UBE2H: variants seen among roughly 807,000 people sequenced by gnomAD.
UBE2H encodes ubiquitin conjugating enzyme E2 H.
A neutral mutation model predicts 29.0 loss-of-function variants in UBE2H; 3 were observed. That is an observed-to-expected ratio of 0.10 (90% confidence interval 0.05 to 0.27). The LOEUF is 0.27. UBE2H is among the 10% of genes least tolerant of loss of function. UBE2H has a pLI of 1.00. For synonymous variants in UBE2H, 69 were observed against 82.9 expected (o/e 0.83, Z 0.91); for missense variants, 68 against 228.2 (o/e 0.30, Z 4.52).
At chr7:129,946,034 C>T (rs539955114) in intron 1 of UBE2H, among the ~76,000 whole-genome samples, 1 of 150,600 alleles carries the variant, frequency 6.6e-6, no homozygotes, top group Non-Finnish European at 1.5e-5. Flanking sequence ...GCATGAGCCA[C>T]TGTGCCCAGC....
chr7:129,880,134 C>A (rs1162498469), intron 2 of UBE2H, among the ~76,000 whole-genome samples: 1 of 152,056 alleles, frequency 6.6e-6, no homozygotes, highest in African/African-American at 2.4e-5. Flanking sequence ...TGGATTCAAC[C>A]AACCACAGAT....
chr7:129,882,706 A>AC (rs1173796998), intron 1 of UBE2H, among the ~76,000 whole-genome samples: 2 of 152,190 alleles, frequency 1.3e-5, no homozygotes, highest in African/African-American at 4.8e-5. Flanking sequence ...ATGCATGCCT[A>AC]CTCTGACCAG....
intron 6 of UBE2H, among the ~76,000 whole-genome samples, chr7:129,838,691 GTA>G (rs1287771704): frequency 3.9e-5 from 6 of 152,108 alleles, no homozygotes; most frequent in African/African-American, 1.4e-4. Context: ...CCAGGCTGGA[GTA>G]CAATGGCACA....
Position 129,944,769 on chromosome 7 carries a change from TGCGCAA to T in UBE2H, c.53+7728_53+7733del, listed in dbSNP as rs563901524. Among the ~76,000 whole-genome samples the T allele has an allele frequency of 2.0e-3, 264 of 134,808 alleles. 5 individuals are homozygous for T. In the South Asian group the frequency reaches 0.02, roughly 10 times the overall value. 88.4% of individuals were successfully genotyped at this position (134,808 alleles called of 152,430 possible). A position where few individuals can be genotyped will look rare whatever the true frequency, so the allele number is the denominator to read the frequency against. ...ACACACACGCACGCACGCACGCGCA[TGCGCAA>T]ACCCTACCACATGATCTAGCTTAGC... On this transcript the variant is annotated intron_variant, in intron 1 of 6. Transcript: ENST00000355621.
chr7:129,889,668 C>A (rs1806434072), intron 1 of UBE2H, among the ~76,000 whole-genome samples: 1 of 152,028 alleles, frequency 6.6e-6, no homozygotes, highest in Non-Finnish European at 1.5e-5. Flanking sequence ...CAGAAGAGTA[C>A]CCAGCAAACA....
At chr7:129,865,002 C>A in intron 3 of UBE2H, 1 of 411,226 alleles carries the variant, frequency 2.4e-6, no homozygotes, top group Non-Finnish European at 4.8e-6. Flanking sequence ...AAATGTCCAG[C>A]TAAAATGCTT....
At chr7:129,891,907 T>G (rs1277123244) in intron 1 of UBE2H, among the ~76,000 whole-genome samples, 1 of 150,096 alleles carries the variant, frequency 6.7e-6, no homozygotes, top group Non-Finnish European at 1.5e-5. Context: ...GTGTGTTAGT[T>G]TTTTTCCTAC....
At chr7:129,865,436 T>C (rs1485656994) in intron 3 of UBE2H, among the ~76,000 whole-genome samples, 3 of 152,180 alleles carry the variant, frequency 2.0e-5, no homozygotes, top group Non-Finnish European at 2.9e-5. Context: ...ATATTAATGA[T>C]CAAATTTGTG....
intron 1 of UBE2H, among the ~76,000 whole-genome samples, chr7:129,881,277 CA>C (rs928460521): frequency 3.0e-4 from 45 of 152,132 alleles, no homozygotes; most frequent in African/African-American, 1.0e-3. Flanking sequence ...ATTGGGAAAA[CA>C]GCATTTCATA....
chr7:129,892,652 CTTA>C (rs1230578478), intron 1 of UBE2H, among the ~76,000 whole-genome samples: 3 of 152,108 alleles, frequency 2.0e-5, no homozygotes, highest in African/African-American at 7.2e-5. Flanking sequence ...AAGGAATATA[CTTA>C]TTTTTTGCTG....
At chr7:129,835,260 G>GC (rs1805301032) in intron 6 of UBE2H, among the ~76,000 whole-genome samples, 199 bp from the exon 7 acceptor site, 1 of 152,154 alleles carries the variant, frequency 6.6e-6, no homozygotes, top group African/African-American at 2.4e-5. Flanking sequence ...TCTGCATTTT[G>GC]CCCCCTGAGG....
intron 1 of UBE2H, among the ~76,000 whole-genome samples, chr7:129,906,679 T>C (rs758274498): frequency 7.9e-5 from 12 of 152,138 alleles, no homozygotes; most frequent in Non-Finnish European, 1.2e-4. Flanking sequence ...AATTTGCTTA[T>C]AGTAAAGTTA....
intron 1 of UBE2H, among the ~76,000 whole-genome samples, chr7:129,906,319 C>T (rs1244992788): frequency 1.3e-5 from 2 of 151,946 alleles, no homozygotes; most frequent in African/African-American, 2.4e-5. Context: ...ATTCTTGTGC[C>T]TCAGCCTCCT....
chr7:129,932,926 G>C (rs2116498346), intron 1 of UBE2H, among the ~76,000 whole-genome samples: 1 of 152,134 alleles, frequency 6.6e-6, no homozygotes, highest in African/African-American at 2.4e-5. Context: ...GGATCCCTAG[G>C]GGGCTCCAGA....
intron 5 of UBE2H, among the ~76,000 whole-genome samples, chr7:129,850,466 A>G (rs1043970368): frequency 2.0e-5 from 3 of 152,242 alleles, no homozygotes; most frequent in African/African-American, 7.2e-5. Flanking sequence ...TTGGTTTTTA[A>G]GTATTCAAAG....
intron 5 of UBE2H, among the ~76,000 whole-genome samples, chr7:129,856,386 C>T (rs916557884): frequency 1.3e-5 from 2 of 152,100 alleles, no homozygotes; most frequent in Non-Finnish European, 2.9e-5. Flanking sequence ...GTGAAGGGCA[C>T]TGTGATAAGA....
chr7:129,851,682 G>A (rs1031530843), intron 5 of UBE2H, among the ~76,000 whole-genome samples: 5 of 152,216 alleles, frequency 3.3e-5, no homozygotes, highest in African/African-American at 1.2e-4. Flanking sequence ...ACCCTGGCTG[G>A]CTCATGTCCC....
At chr7:129,920,094 G>T (rs1173716315) in intron 1 of UBE2H, among the ~76,000 whole-genome samples, 1 of 152,128 alleles carries the variant, frequency 6.6e-6, no homozygotes, top group Non-Finnish European at 1.5e-5. Flanking sequence ...GTCCTGATCA[G>T]CTTATTTTTA....
intron 3 of UBE2H, among the ~76,000 whole-genome samples, chr7:129,869,620 T>C (rs1041816735): frequency 9.2e-5 from 14 of 152,158 alleles, no homozygotes; most frequent in African/African-American, 3.4e-4. Flanking sequence ...GAAGCATCAT[T>C]CACATTTGCT....
Sources: allele counts gnomAD v4.1 joint callset (sites outside exome capture counted in the v4.1 genomes callset), GRCh38; gene constraint gnomAD v4.1.1; transcripts MANE v1.5; gene names NCBI Gene and HGNC (gene_info 2026-07-23, HGNC 2026-07-21).